Variants in MTMR8 observed in about 807,000 individuals in gnomAD.
The protein encoded by MTMR8 is phosphatidylinositol-3,5-bisphosphate 3-phosphatase MTMR8.
A neutral mutation model predicts 39.3 loss-of-function variants in MTMR8; 65 were observed. The observed-to-expected ratio is 1.65, with a 90% confidence interval of 1.35 to 2.03. The LOEUF (loss-of-function observed/expected upper bound fraction) is 2.03, where lower values mean the gene tolerates loss of function less well. Among genes scored for constraint, MTMR8 ranks in the 30% most tolerant of loss-of-function variants. The pLI is 0.00. For missense variants in MTMR8, 777 were observed against 538.9 expected, an observed-to-expected ratio of 1.44 and a Z score of -4.37; for synonymous variants, 245 against 185.2, an observed-to-expected ratio of 1.32 and a Z score of -2.62.
chrX:64,348,961 G>T (rs1158766612), intron 5 of MTMR8, among the ~76,000 whole-genome samples, 167 bp from the exon 6 acceptor site: 1 of 111,685 alleles, frequency 9.0e-6, no homozygotes, highest in Non-Finnish European at 1.9e-5. Context: ...CTGACATTGG[G>T]CTTAACCTCC....
At chrX:64,370,718 T>C (rs1924107734) in intron 1 of MTMR8, among the ~76,000 whole-genome samples, 1 of 111,717 alleles carries the variant, frequency 9.0e-6, no homozygotes, top group African/African-American at 3.3e-5. Flanking sequence ...ATAGCCTAGG[T>C]GTGTAGTAGG....
At chrX:64,278,380 G>T (rs1921933698) in intron 12 of MTMR8, among the ~76,000 whole-genome samples, 1 of 104,927 alleles carries the variant, frequency 9.5e-6, no homozygotes, top group South Asian at 4.3e-4. Context: ...TCTACCTTTG[G>T]TCTTTGTAGC....
At chrX:64,353,071 T>A (rs1199245021) in intron 4 of MTMR8, among the ~76,000 whole-genome samples, 1 of 111,878 alleles carries the variant, frequency 8.9e-6, no homozygotes, top group Non-Finnish European at 1.9e-5. Context: ...TCAGTCATTT[T>A]CAACAAAGGC....
chrX:64,389,848 C>T (rs762068291), intron 1 of MTMR8, among the ~76,000 whole-genome samples: 1 of 111,717 alleles, frequency 9.0e-6, no homozygotes, highest in Non-Finnish European at 1.9e-5. Flanking sequence ...CCCAAGAACT[C>T]AGAGCTAATA....
chrX:64,281,595 A>T (rs972121339), intron 12 of MTMR8, among the ~76,000 whole-genome samples: 6 of 112,079 alleles, frequency 5.4e-5, no homozygotes, highest in Non-Finnish European at 1.1e-4. Context: ...AACCATAAAA[A>T]CCATAGAAGA....
At chrX:64,312,443 C>T (rs1373783304) in intron 12 of MTMR8, among the ~76,000 whole-genome samples, 1 of 111,988 alleles carries the variant, frequency 8.9e-6, no homozygotes, top group Admixed American at 9.5e-5. Context: ...TCTCTCACCA[C>T]TCCCATTCAA....
chrX:64,361,499 G>T, intron 1 of MTMR8, among the ~76,000 whole-genome samples: 1 of 111,414 alleles, frequency 9.0e-6, no homozygotes, highest in Non-Finnish European at 1.9e-5. Context: ...ATCAAGTGCA[G>T]TTTATCACAA....
intron 1 of MTMR8, among the ~76,000 whole-genome samples, chrX:64,385,756 G>T (rs767521710): frequency 1.2e-4 from 13 of 111,127 alleles, no homozygotes; most frequent in Non-Finnish European, 2.3e-4. Flanking sequence ...AGCACCAGAA[G>T]GATGGTGCTA....
At chrX:64,330,470 G>T (rs1221584224) in intron 11 of MTMR8, among the ~76,000 whole-genome samples, 1 of 111,651 alleles carries the variant, frequency 9.0e-6, no homozygotes, top group East Asian at 2.8e-4. Context: ...GGGGCCTGAG[G>T]GTTGGGCTAA....
intron 12 of MTMR8, among the ~76,000 whole-genome samples, chrX:64,311,768 T>C (rs1922309605): frequency 1.5e-5 from 1 of 65,697 alleles, no homozygotes. Context: ...TCCCCATTGC[T>C]TTTTTTTTTT....
chrX:64,378,032 C>T (rs1924315488), intron 1 of MTMR8, among the ~76,000 whole-genome samples: 1 of 111,830 alleles, frequency 8.9e-6, no homozygotes, highest in Admixed American at 9.5e-5. Flanking sequence ...TTCCCCTTCA[C>T]CTTCTGCCAT....
At chrX:64,300,107 A>G (rs1921795786) in intron 12 of MTMR8, among the ~76,000 whole-genome samples, 1 of 102,351 alleles carries the variant, frequency 9.8e-6, no homozygotes, top group Admixed American at 1.1e-4. Flanking sequence ...TGCTTGGTGC[A>G]GAGCTGAGTT....
At chrX:64,274,919 A>G (rs1303248625) in intron 12 of MTMR8, among the ~76,000 whole-genome samples, 1 of 111,569 alleles carries the variant, frequency 9.0e-6, no homozygotes, top group African/African-American at 3.3e-5. Flanking sequence ...GAGAATGGGG[A>G]GATGTTGGCC....
At chrX:64,289,083 GA>G (rs1921307851) in intron 12 of MTMR8, among the ~76,000 whole-genome samples, 1 of 109,595 alleles carries the variant, frequency 9.1e-6, no homozygotes, top group South Asian at 3.8e-4. Context: ...CAACAACAAT[GA>G]AAAACAATTA....
At chrX:64,358,998 T>C (rs1220221401) in intron 2 of MTMR8, among the ~76,000 whole-genome samples, 1 of 110,588 alleles carries the variant, frequency 9.0e-6, no homozygotes, top group Non-Finnish European at 1.9e-5. Flanking sequence ...TTTTAGAAAT[T>C]CAAAATCTTA....
chrX:64,308,565 AT>A (rs1244794102), intron 12 of MTMR8, among the ~76,000 whole-genome samples: 2 of 110,256 alleles, frequency 1.8e-5, no homozygotes, highest in Non-Finnish European at 3.8e-5. Flanking sequence ...TTATACCTAT[AT>A]TTTTCTGACA....
chrX:64,328,611 G>A (rs749650934), intron 12 of MTMR8, among the ~76,000 whole-genome samples, 161 bp downstream of exon 12: 1 of 111,633 alleles, frequency 9.0e-6, no homozygotes, highest in South Asian at 3.7e-4. Context: ...AAGGAATTGG[G>A]CTCTTGTTTT....
intron 12 of MTMR8, among the ~76,000 whole-genome samples, chrX:64,317,550 T>C (rs1272503362): frequency 8.9e-6 from 1 of 112,120 alleles, no homozygotes; most frequent in Non-Finnish European, 1.9e-5. Flanking sequence ...TTCTCCTTTA[T>C]ATCTTGAATT....
chrX:64,278,459 GGTTTTTTTTTTTTTTT>G (rs1268745084), intron 12 of MTMR8, among the ~76,000 whole-genome samples: 1 of 49,868 alleles, frequency 2.0e-5, no homozygotes, highest in African/African-American at 1.1e-4. Flanking sequence ...TTATTTTGCT[GGTTTTTTTTTTTTTTT>G]TTTTTTTTTT....
Sources: gnomAD v4.1 joint callset for allele counts (sites outside exome capture counted in the v4.1 genomes callset) on GRCh38, gnomAD v4.1.1 for gene constraint, MANE v1.5 for transcripts, NCBI Gene and HGNC (gene_info 2026-07-23, HGNC 2026-07-21) for gene names.